Variants in WWOX observed in about 807,000 individuals in gnomAD.
The protein encoded by WWOX is WW domain-containing oxidoreductase.
Under a neutral mutation model 46.2 loss-of-function variants are expected in WWOX, and 69 were observed. The observed-to-expected ratio is 1.49, with a 90% confidence interval of 1.23 to 1.82. WWOX has a LOEUF of 1.82. WWOX is among the 40% of genes most tolerant of loss of function. The probability of loss-of-function intolerance (pLI) is 0.00; values close to 1 mark genes in which losing one functional copy is unlikely to be tolerated. For missense variants in WWOX, 919 were observed against 542.6 expected (o/e 1.69, Z -6.89); for synonymous variants, 359 against 202.6 (o/e 1.77, Z -6.56).
At chr16:78,180,751 C>G (rs956078792) in intron 5 of WWOX, among the ~76,000 whole-genome samples, 7 of 151,576 alleles carry the variant, frequency 4.6e-5, no homozygotes, top group African/African-American at 1.5e-4. Context: ...GTGGGTAAAT[C>G]CAGCTGTACA....
chr16:78,864,458 A>G (rs934431632), intron 8 of WWOX, among the ~76,000 whole-genome samples: 5 of 151,878 alleles, frequency 3.3e-5, no homozygotes, highest in African/African-American at 1.2e-4. Flanking sequence ...TTGTAGAGGC[A>G]AGGTTTCTCC....
In WWOX at chr16:78,917,976, A is replaced by G. The variant is rs540655884; in HGVS notation, c.1057-293632A>G. Among the ~76,000 whole-genome samples, 11 of 152,256 alleles carry G rather than the reference A, an allele frequency of 7.2e-5. No individual in the cohort carries two copies. The East Asian group carries it at 1.6e-3, about 21-fold the overall frequency. Reference sequence around the variant, plus strand: ...TAGCACTTTGGGAAGTTGAGGCAGGAGGGCCACTTGAGGCCAGGAGTTTGA... The same window carrying G: ...TAGCACTTTGGGAAGTTGAGGCAGGGGGGCCACTTGAGGCCAGGAGTTTGA... On this transcript the variant is annotated intron_variant, in intron 8 of 8. Coordinates refer to ENST00000566780, the MANE Select transcript of WWOX (RefSeq NM_016373.4).
rs140691013 is a variant in WWOX at position 78,670,368 on chromosome 16, G to A, written c.1056+237616G>A. ...CTCCCCAGTGACCCTGGTTCATCCCGGAAATATGCAGGAAAAGCATTATGA... is the reference window on the plus strand; with the variant it reads ...CTCCCCAGTGACCCTGGTTCATCCCAGAAATATGCAGGAAAAGCATTATGA... On this transcript the variant is annotated intron_variant, in intron 8 of 8. Coordinates refer to ENST00000566780, the MANE Select transcript of WWOX (RefSeq NM_016373.4). Among the ~76,000 whole-genome samples the A allele has an allele frequency of 1.9e-4, 29 of 152,250 alleles. No homozygotes were observed. In the East Asian group the frequency reaches 3.7e-3, roughly 19 times the overall value.
intron 6 of WWOX, among the ~76,000 whole-genome samples, chr16:78,395,559 G>A (rs2082265822): frequency 1.3e-5 from 2 of 151,980 alleles, no homozygotes; most frequent in South Asian, 4.2e-4. Context: ...AAGAAGGGAA[G>A]GAAGAAAGGA....
At chr16:78,654,816 T>C (rs1225649358) in intron 8 of WWOX, among the ~76,000 whole-genome samples, 3 of 152,132 alleles carry the variant, frequency 2.0e-5, no homozygotes, top group African/African-American at 7.2e-5. Flanking sequence ...ATTTTGGAAA[T>C]AGACCAGTGA....
intron 8 of WWOX, among the ~76,000 whole-genome samples, chr16:78,813,684 C>A (rs1366052883): frequency 1.3e-5 from 2 of 152,144 alleles, no homozygotes; most frequent in Non-Finnish European, 2.9e-5. Context: ...AGATCAATCA[C>A]ATTCATTCGA....
chr16:78,917,213 C>T (rs1379027055), intron 8 of WWOX, among the ~76,000 whole-genome samples: 1 of 152,170 alleles, frequency 6.6e-6, no homozygotes, highest in Non-Finnish European at 1.5e-5. Flanking sequence ...ACATGATCTA[C>T]CTTACAGCTG....
chr16:79,061,131 C>A (rs1421018835), intron 8 of WWOX, among the ~76,000 whole-genome samples: 5 of 152,164 alleles, frequency 3.3e-5, no homozygotes, highest in Non-Finnish European at 7.3e-5. Flanking sequence ...CTCACAGTCT[C>A]TCAATCCTTT....
In WWOX at chr16:78,115,007, C is replaced by A; in HGVS notation, c.262C>A (p.Pro88Thr). ...HINKRTTYLD[P>T]RLAFTVDDNP... ...AAATAAAAGAACCACCTACTTGGAC[C>A]CAAGACTGGCGTTTACTGTGGATGA... Residue 88 changes from proline (P) to threonine (T), a missense_variant, in exon 4 of 9, where the codon CCA becomes ACA. Physicochemically the swap from Pro to Thr is conservative, Grantham distance 38. Transcript: ENST00000566780. 1 of 1,614,164 alleles carries A rather than the reference C, an allele frequency of 6.2e-7. No homozygotes were observed. The highest frequency in any genetic ancestry group is 8.5e-7 in the Non-Finnish European group (1 of 1,180,020).
intron 8 of WWOX, among the ~76,000 whole-genome samples, chr16:78,738,917 G>T (rs374018689): frequency 3.3e-5 from 5 of 152,122 alleles, no homozygotes; most frequent in African/African-American, 1.2e-4. Context: ...CTGATCATTT[G>T]CCTTCATTGC....
At chr16:78,572,785 G>A (rs771625370) in intron 8 of WWOX, among the ~76,000 whole-genome samples, 14 of 152,000 alleles carry the variant, frequency 9.2e-5, no homozygotes, top group Non-Finnish European at 1.6e-4. Flanking sequence ...TGTGAGGGAC[G>A]GGGCATGGTT....
At chr16:78,382,876 T>C (rs1317414162) in intron 5 of WWOX, among the ~76,000 whole-genome samples, 3 of 150,990 alleles carry the variant, frequency 2.0e-5, no homozygotes, top group African/African-American at 7.3e-5. Context: ...TAAACATACC[T>C]GAGACTGTGT....
chr16:78,632,312 C>G (rs866513568), intron 8 of WWOX, among the ~76,000 whole-genome samples: 4 of 152,188 alleles, frequency 2.6e-5, no homozygotes, highest in South Asian at 4.2e-4. Context: ...CACTAAAACA[C>G]GTAGAATAGT....
intron 8 of WWOX, among the ~76,000 whole-genome samples, chr16:79,131,879 G>A (rs188111340): frequency 3.9e-4 from 60 of 152,236 alleles, no homozygotes; most frequent in Non-Finnish European, 6.5e-4. Flanking sequence ...AGCAAGTCAC[G>A]TCTTACACGG....
chr16:78,137,333 C>T (rs1372953093), intron 4 of WWOX, among the ~76,000 whole-genome samples: 1 of 152,132 alleles, frequency 6.6e-6, no homozygotes, highest in Non-Finnish European at 1.5e-5. Context: ...TTCCAGCTTG[C>T]CAATTCTGGG....
At chr16:79,151,738 G>T (rs1297771671) in intron 8 of WWOX, among the ~76,000 whole-genome samples, 1 of 152,142 alleles carries the variant, frequency 6.6e-6, no homozygotes, top group Admixed American at 6.5e-5. Context: ...GGCCTGCCAG[G>T]GTGCCTGACA....
At chr16:78,410,077 G>C (rs1457477945) in intron 6 of WWOX, among the ~76,000 whole-genome samples, 1 of 152,174 alleles carries the variant, frequency 6.6e-6, no homozygotes, top group African/African-American at 2.4e-5. Context: ...TCCCTTTGGT[G>C]ATAAGTGAGT....
intron 8 of WWOX, among the ~76,000 whole-genome samples, chr16:78,939,205 A>C (rs113746884): frequency 3.9e-5 from 6 of 152,122 alleles, no homozygotes; most frequent in African/African-American, 1.4e-4. Context: ...ACGTATATTC[A>C]TGGAGCATCT....
chr16:78,707,686 T>C (rs946673992), intron 8 of WWOX, among the ~76,000 whole-genome samples: 9 of 151,970 alleles, frequency 5.9e-5, no homozygotes, highest in African/African-American at 2.2e-4. Flanking sequence ...CATTCAGGAC[T>C]AGCCTGGCCA....
Sources: gnomAD v4.1 joint callset for allele counts (sites outside exome capture counted in the v4.1 genomes callset) on GRCh38, gnomAD v4.1.1 for gene constraint, MANE v1.5 for transcripts, NCBI Gene and HGNC (gene_info 2026-07-23, HGNC 2026-07-21) for gene names.